SNX13: variants seen among roughly 807,000 people sequenced by gnomAD.
SNX13 encodes the protein sorting nexin 13.
Under a neutral mutation model 133.6 loss-of-function variants are expected in SNX13, and 45 were observed. The observed-to-expected ratio is 0.34, with a 90% CI of 0.27 to 0.43. The LOEUF is 0.43. SNX13 is among the 20% of genes least tolerant of loss of function. The pLI is 1.00. For synonymous variants in SNX13, 414 were observed against 373.9 expected (o/e 1.11, Z -1.24); for missense variants, 1,032 against 1,145.1 (o/e 0.90, Z 1.43).
intron 12 of SNX13, among the ~76,000 whole-genome samples, chr7:17,843,366 C>T (rs1012871961): frequency 1.3e-5 from 2 of 151,852 alleles, no homozygotes; most frequent in Non-Finnish European, 2.9e-5. Flanking sequence ...AAAGATTCAG[C>T]ATAACAAAAT....
At chr7:17,909,114 GAGAAATGCTAATCAAAAAAAA>G (rs1278563324) in intron 1 of SNX13, among the ~76,000 whole-genome samples, 1 of 151,888 alleles carries the variant, frequency 6.6e-6, no homozygotes, top group East Asian at 1.9e-4. Context: ...CTAATCATTA[GAGAAATGCTAATCAAAAAAAA>G]ATTAAAAAAA....
At position 17,836,597 on chromosome 7, in the gene SNX13, A is replaced by C. The variant is rs1448518108; in HGVS notation, c.1360-1732T>G. 3.3e-5 allele frequency among the ~76,000 whole-genome samples: 5 copies of C among 152,108 alleles called. No individual in the cohort carries two copies. The South Asian group carries it at 8.3e-4, about 25-fold the overall frequency. Reference sequence around the variant, plus strand: ...TAAAAGTGAATGTTTTCCCAAAATTATCTCTTAATGTGTATTCTTTACTTT... The same window carrying C: ...TAAAAGTGAATGTTTTCCCAAAATTCTCTCTTAATGTGTATTCTTTACTTT... On this transcript the variant is annotated intron_variant, in intron 13 of 25. Transcript: ENST00000428135.
rs1416951407 is a variant in SNX13 at position 17,803,472 on chromosome 7, T to C, written c.2173A>G (p.Met725Val). Residue 725 changes from methionine to valine, a missense_variant, in exon 21 of 26, where the codon ATG becomes GTG. Met to Val is a conservative substitution (Grantham distance 21). Transcript: ENST00000428135. ...CCTAATCTTTCTGACATTTTGCCCATGTTGTCTGACATTTTAGTCATTCCC... is the reference window on the plus strand; with the variant it reads ...CCTAATCTTTCTGACATTTTGCCCACGTTGTCTGACATTTTAGTCATTCCC... ...AEGMTKMSDNMGKMSERLGQD... is the reference protein window; with the variant it reads ...AEGMTKMSDNVGKMSERLGQD... 1.9e-6 allele frequency: 3 copies of C among 1,612,740 alleles called. No individual in the cohort carries two copies. Among genetic ancestry groups the C allele is most frequent in the East Asian group, 2.2e-5 (1 of 44,834 alleles).
intron 9 of SNX13, among the ~76,000 whole-genome samples, chr7:17,865,354 T>C (rs1273198699): frequency 1.8e-4 from 27 of 151,938 alleles, no homozygotes; most frequent in Non-Finnish European, 1.9e-4. Context: ...TGTGAACAAT[T>C]TGAAAAAGAA....
In SNX13 at chr7:17,873,569, G is replaced by C; in HGVS notation, c.712C>G (p.Pro238Ala). ...CEVLLYLLLP[P>A]GDFQNKIMRY... ...ATGATCTTGTTCTGGAAATCTCCAG[G>C]AGGTAGCAATAAATATAGTAAGACC... The change falls in exon 8 of 26, where the codon CCT (proline) becomes GCT (alanine). Residue 238 changes from proline to alanine, a missense_variant. Coordinates refer to ENST00000428135, the MANE Select transcript of SNX13 (RefSeq NM_015132.5). 6.3e-7 allele frequency: 1 copy of C among 1,586,906 alleles called. No individual in the cohort carries two copies. Among genetic ancestry groups the C allele is most frequent in the Non-Finnish European group, 8.6e-7 (1 of 1,167,002 alleles).
At chr7:17,883,800 A>C (rs1031335061) in intron 5 of SNX13, among the ~76,000 whole-genome samples, 1 of 151,688 alleles carries the variant, frequency 6.6e-6, no homozygotes, top group Non-Finnish European at 1.5e-5. Context: ...CACGCCACTC[A>C]TGGGTGAGAA....
chr7:17,908,605 T>C (rs539350588), intron 1 of SNX13, among the ~76,000 whole-genome samples: 2 of 152,376 alleles, frequency 1.3e-5, no homozygotes, highest in East Asian at 3.9e-4. Flanking sequence ...AATAGTTATT[T>C]ATGCATATTT....
chr7:17,812,946 A>G (rs1378710215), intron 20 of SNX13, among the ~76,000 whole-genome samples: 1 of 151,982 alleles, frequency 6.6e-6, no homozygotes, highest in Non-Finnish European at 1.5e-5. Flanking sequence ...GGAGGGAAAC[A>G]TCATACACCG....
intron 25 of SNX13, chr7:17,795,554 T>G (rs1459232089): frequency 2.0e-5 from 3 of 151,750 alleles, no homozygotes; most frequent in Non-Finnish European, 4.4e-5. Flanking sequence ...TATTCCATTT[T>G]CCTGCAGTAT....
intron 1 of SNX13, among the ~76,000 whole-genome samples, chr7:17,908,596 A>G (rs2691560): frequency 0.44 from 67,109 of 152,034 alleles, 15,252 homozygotes; most frequent in South Asian, 0.67. Flanking sequence ...CAATTCTACA[A>G]TAGTTATTTA....
At chr7:17,928,413 C>T (rs1801009548) in intron 1 of SNX13, among the ~76,000 whole-genome samples, 1 of 152,094 alleles carries the variant, frequency 6.6e-6, no homozygotes, top group Non-Finnish European at 1.5e-5. Flanking sequence ...AATTCTATGA[C>T]ATAAGTTATA....
chr7:17,889,000 A>G (rs1183358343), intron 5 of SNX13: 1 of 221,062 alleles, frequency 4.5e-6, no homozygotes, highest in Non-Finnish European at 9.2e-6. Context: ...GTCAGGCACA[A>G]GAATAATGAA....
Position 17,897,426 on chromosome 7 carries a change from T to C in SNX13, c.33A>G (p.Gly11=), listed in dbSNP as rs1228909976. The C allele has an allele frequency of 3.7e-6, 6 of 1,600,508 alleles. No individual in the cohort carries two copies. The highest frequency in any genetic ancestry group is 1.3e-5 in the African/African-American group (1 of 74,530). The change falls in exon 2 of 26, where the codon GGA becomes GGG. Residue 11 remains glycine (G), a synonymous_variant. Coordinates refer to ENST00000428135, the MANE Select transcript of SNX13 (RefSeq NM_015132.5). ...AAAGGACAATGCCAAGGCTTCCCCA[T>C]CCCCATATGGATAGACTGGCCTGAA... MLTEASLSIW[G]WGSLGIVLFL...
chr7:17,917,631 C>T (rs533427188), intron 1 of SNX13, among the ~76,000 whole-genome samples: 3 of 151,470 alleles, frequency 2.0e-5, no homozygotes, highest in Admixed American at 2.0e-4. Context: ...TAAAACACAG[C>T]AGAAATATGT....
chr7:17,902,711 T>C (rs1797967016), intron 1 of SNX13, among the ~76,000 whole-genome samples: 1 of 152,078 alleles, frequency 6.6e-6, no homozygotes, highest in Non-Finnish European at 1.5e-5. Context: ...TATATGACAG[T>C]GATTTACATT....
chr7:17,854,456 T>C (rs1791638949), intron 9 of SNX13, among the ~76,000 whole-genome samples: 2 of 152,198 alleles, frequency 1.3e-5, no homozygotes, highest in South Asian at 4.1e-4. Flanking sequence ...CTATGACACA[T>C]CACACTGTGT....
At position 17,792,605 on chromosome 7, in the gene SNX13, A is replaced by G. The variant is rs1482827197; in HGVS notation, c.*1440T>C. ...AATACTCTGTCCCTTTATCTTAAGC[A>G]CCCAGACTTTCTTTTAATACCAGGA... On this transcript the variant is annotated 3_prime_UTR_variant, in exon 26 of 26. Coordinates refer to ENST00000428135, the MANE Select transcript of SNX13 (RefSeq NM_015132.5). 6.6e-6 allele frequency: 1 copy of G among 152,384 alleles called. No individual in the cohort carries two copies. Among genetic ancestry groups the G allele is most frequent in the African/African-American group, 2.4e-5 (1 of 41,426 alleles). The allele number at this position is 152,384 out of a possible 1,614,324, so 9.4% of individuals were successfully genotyped here.
chr7:17,838,046 A>G (rs1272561352), intron 13 of SNX13, among the ~76,000 whole-genome samples: 1 of 151,838 alleles, frequency 6.6e-6, no homozygotes, highest in Admixed American at 6.6e-5. Flanking sequence ...CCTTTTCTCC[A>G]TTTTCATTCA....
At chr7:17,923,881 C>T (rs1318793288) in intron 1 of SNX13, among the ~76,000 whole-genome samples, 1 of 152,058 alleles carries the variant, frequency 6.6e-6, no homozygotes, top group African/African-American at 2.4e-5. Context: ...ACCCAAGCCC[C>T]CACTGCCCTC....
Sources: allele counts gnomAD v4.1 joint callset (sites outside exome capture counted in the v4.1 genomes callset), GRCh38; gene constraint gnomAD v4.1.1; transcripts MANE v1.5; gene names NCBI Gene and HGNC (gene_info 2026-07-23, HGNC 2026-07-21).